The following ALG9 variants were observed in gnomAD, a reference collection of about 807,000 sequenced individuals.
ALG9 encodes the protein ALG9 alpha-1,2-mannosyltransferase, also known as alpha-1,2-mannosyltransferase ALG9.
A neutral mutation model predicts 81.8 loss-of-function variants in ALG9; 55 were observed. That is an observed-to-expected ratio of 0.67 (90% CI 0.54 to 0.84). ALG9 has a LOEUF of 0.84. Among genes scored for constraint, ALG9 ranks in the 40% least tolerant of loss-of-function variants. The probability of loss-of-function intolerance (pLI) is 0.00; values close to 1 mark genes in which losing one functional copy is unlikely to be tolerated. For synonymous variants in ALG9, 278 were observed against 274.3 expected, an observed-to-expected ratio of 1.01 and a Z score of -0.13; for missense variants, 629 against 745.0, an observed-to-expected ratio of 0.84 and a Z score of 1.81.
chr11:111,779,776 G>GA (rs1188801431), downstream of ALG9, among the ~76,000 whole-genome samples: 2 of 151,534 alleles, frequency 1.3e-5, no homozygotes, highest in African/African-American at 2.4e-5. Flanking sequence ...GAAAAAAAGG[G>GA]AAAAAAAAGC....
intron 13 of ALG9, among the ~76,000 whole-genome samples, chr11:111,828,185 C>A (rs149782546): frequency 0.033 from 4,950 of 151,924 alleles, 255 homozygotes; most frequent in African/African-American, 0.11. Flanking sequence ...CAGAGCAAGA[C>A]TCCATCAAAA....
chr11:111,857,996 T>C (rs782678953), intron 5 of ALG9: 1 of 405,444 alleles, frequency 2.5e-6, no homozygotes, highest in Non-Finnish European at 4.6e-6. Flanking sequence ...TGGAGTGCAG[T>C]GGTGGGATCT....
Position 111,810,226 on chromosome 11 carries a change from A to G in ALG9, c.1603-453T>C, listed in dbSNP as rs533750876. ...AGGTTACGCTACACCTCACAGGGGTACAGAAATATCATGCATATCATCTCC... is the reference window on the plus strand; with the variant it reads ...AGGTTACGCTACACCTCACAGGGGTGCAGAAATATCATGCATATCATCTCC... On this transcript the variant is annotated intron_variant, in intron 13 of 14. Transcript: ENST00000616540. 1.1e-4 allele frequency among the ~76,000 whole-genome samples: 16 copies of G among 152,316 alleles called. 1 individual carries two copies. In the East Asian group the frequency reaches 3.1e-3, roughly 29 times the overall value.
intron 13 of ALG9, 21 bp downstream of exon 13, chr11:111,836,144 A>T: frequency 6.2e-7 from 1 of 1,613,614 alleles, no homozygotes; most frequent in Non-Finnish European, 8.5e-7. Context: ...CAGAGAAGCA[A>T]GAAGAGAATG....
chr11:111,807,462 C>T (rs1452902115), intron 14 of ALG9, among the ~76,000 whole-genome samples: 2 of 152,204 alleles, frequency 1.3e-5, no homozygotes, highest in Non-Finnish European at 2.9e-5. Flanking sequence ...ACCACCCTAG[C>T]TCAAAGTGTA....
At chr11:111,860,712 CCA>C in intron 4 of ALG9, 77 bp from the exon 5 acceptor site, 1 of 1,067,170 alleles carries the variant, frequency 9.4e-7, no homozygotes, top group South Asian at 1.4e-5. Context: ...AAAACACGTA[CCA>C]CAGATAACAC....
intron 14 of ALG9, among the ~76,000 whole-genome samples, chr11:111,789,025 A>G (rs1209705977): frequency 6.6e-6 from 1 of 150,780 alleles, no homozygotes; most frequent in Non-Finnish European, 1.5e-5. Context: ...TTTTTCCCCC[A>G]AGAGACAGGG....
At chr11:111,778,165 T>C (rs151091657), downstream of ALG9, 1 of 152,086 alleles carries the variant, frequency 6.6e-6, no homozygotes, top group Non-Finnish European at 1.5e-5. Context: ...AAGGCAGCCA[T>C]AGGTCCTTAC....
At chr11:111,810,486 T>C (rs1468152413) in intron 13 of ALG9, among the ~76,000 whole-genome samples, 1 of 152,218 alleles carries the variant, frequency 6.6e-6, no homozygotes, top group Non-Finnish European at 1.5e-5. Context: ...CCAGGTCCGG[T>C]GACTCTCGCC....
intron 14 of ALG9, among the ~76,000 whole-genome samples, chr11:111,808,907 C>G (rs150796705): frequency 0.027 from 4,144 of 152,306 alleles, 87 homozygotes; most frequent in Middle Eastern, 0.071. Flanking sequence ...AAGAGCGAGT[C>G]AAGCCCTGGT....
intron 13 of ALG9, among the ~76,000 whole-genome samples, chr11:111,823,265 T>C (rs1952724978): frequency 2.0e-5 from 3 of 152,158 alleles, no homozygotes; most frequent in African/African-American, 7.2e-5. Flanking sequence ...ATTCCTCAAC[T>C]CTAGAGAAAG....
intron 13 of ALG9, among the ~76,000 whole-genome samples, chr11:111,824,484 C>T (rs1952908725): frequency 6.6e-6 from 1 of 152,194 alleles, no homozygotes; most frequent in Non-Finnish European, 1.5e-5. Context: ...CCTTTAGGAG[C>T]TTCCAACTTA....
chr11:111,804,780 G>A (rs1395663604), intron 14 of ALG9, among the ~76,000 whole-genome samples: 1 of 152,180 alleles, frequency 6.6e-6, no homozygotes. Flanking sequence ...CATTAGAATG[G>A]CCAAAATTCA....
At chr11:111,855,200 A>G (rs919145572) in intron 6 of ALG9, among the ~76,000 whole-genome samples, 1 of 152,228 alleles carries the variant, frequency 6.6e-6, no homozygotes, top group African/African-American at 2.4e-5. Flanking sequence ...TCTCTGTTGC[A>G]TAGTCTTCTC....
At chr11:111,862,832 T>C (rs1555149245) in intron 4 of ALG9, among the ~76,000 whole-genome samples, 1 of 152,050 alleles carries the variant, frequency 6.6e-6, no homozygotes, top group African/African-American at 2.4e-5. Context: ...ATGTTAAATA[T>C]ACTTACATTA....
At chr11:111,814,237 G>A (rs1190119424) in intron 13 of ALG9, among the ~76,000 whole-genome samples, 2 of 152,174 alleles carry the variant, frequency 1.3e-5, no homozygotes, top group Non-Finnish European at 2.9e-5. Flanking sequence ...AAAATGTTGA[G>A]TGAAAAGATC....
intron 13 of ALG9, among the ~76,000 whole-genome samples, chr11:111,820,920 G>GCACACA (rs58305552): frequency 0.025 from 3,700 of 146,308 alleles, 106 homozygotes; most frequent in African/African-American, 0.067. Flanking sequence ...AAACACGCGC[G>GCACACA]CACACACACA....
chr11:111,826,763 G>A (rs955655374), intron 13 of ALG9, among the ~76,000 whole-genome samples: 3 of 152,038 alleles, frequency 2.0e-5, no homozygotes, highest in African/African-American at 7.2e-5. Flanking sequence ...TCAGTTCTGG[G>A]GATAGTCTCA....
At position 111,782,410 on chromosome 11, in the gene ALG9, C is replaced by T. The variant is rs1946016845; in HGVS notation, c.*3987G>A. 6.6e-6 allele frequency: 1 copy of T among 152,564 alleles called. No homozygotes were observed. Among genetic ancestry groups the T allele is most frequent in the Non-Finnish European group, 1.5e-5 (1 of 68,024 alleles). 9.5% of individuals were successfully genotyped at this position (152,564 alleles called of 1,614,324 possible). The stretch of plus-strand genomic sequence containing the variant: ...GGCAACATTCAGATTTACAGATACA[C>T]CAGAAAGCCTCTGAAATCCAACGAT... On this transcript the variant is annotated 3_prime_UTR_variant, in exon 15 of 15. Coordinates refer to ENST00000616540, the MANE Select transcript of ALG9 (RefSeq NM_024740.2).
Sources: allele counts gnomAD v4.1 joint callset (sites outside exome capture counted in the v4.1 genomes callset), GRCh38; gene constraint gnomAD v4.1.1; transcripts MANE v1.5; gene names NCBI Gene and HGNC (gene_info 2026-07-23, HGNC 2026-07-21).